Variants in ZNF628 observed in about 807,000 individuals in gnomAD.
The protein encoded by ZNF628 is zinc finger protein Zec.
In ZNF628, 3 loss-of-function variants were observed where a neutral mutation model predicts 2.5. The observed-to-expected ratio is 1.19, with a 90% CI of 0.54 to 3.07. The LOEUF (loss-of-function observed/expected upper bound fraction) is 3.07. ZNF628 is among the 30% of genes most tolerant of loss of function. ZNF628 has a pLI of 0.03. For missense variants in ZNF628, 1,610 were observed against 1,517.1 expected (o/e 1.06, Z -1.02); for synonymous variants, 861 against 717.1 (o/e 1.20, Z -3.21).
At position 55,482,536 on chromosome 19, in the gene ZNF628, C is replaced by A; in HGVS notation, c.1343C>A (p.Ala448Asp). The A allele has an allele frequency of 1.3e-6, 2 of 1,553,754 alleles. No individual in the cohort carries two copies. The highest frequency in any genetic ancestry group is 1.7e-6 in the Non-Finnish European group (2 of 1,157,090). The change falls in exon 3 of 3, where the codon GCT becomes GAT. Residue 448 changes from alanine (A) to aspartate (D), a missense_variant. Physicochemically the swap from Ala to Asp is moderately radical, Grantham distance 126. Coordinates refer to ENST00000598519, the MANE Select transcript of ZNF628 (RefSeq NM_033113.3). ...PVPPPPPSAP[A>D]SAERPYKCAE... ...CCGCCGCCACCCCCGTCCGCCCCCGCTTCTGCGGAGCGGCCCTACAAATGT... is the reference window on the plus strand; with the variant it reads ...CCGCCGCCACCCCCGTCCGCCCCCGATTCTGCGGAGCGGCCCTACAAATGT...
Position 55,481,991 on chromosome 19 carries a change from C to A in ZNF628, c.798C>A (p.Pro266=). The stretch of plus-strand genomic sequence containing the variant: ...GGCACCTCCAGCCCCACAGCCCGCC[C>A]GCGCCTCCCGCCCCGCCGCCCCCGC... ...LQRHLQPHSP[P]APPAPPPPPP... The change falls in exon 3 of 3, where the codon CCC becomes CCA. Residue 266 remains proline, a synonymous_variant. Coordinates refer to ENST00000598519, the MANE Select transcript of ZNF628 (RefSeq NM_033113.3). 5 of 1,462,898 alleles carry A rather than the reference C, an allele frequency of 3.4e-6. No homozygotes were observed. The highest frequency in any genetic ancestry group is 4.5e-6 in the Non-Finnish European group (5 of 1,113,176). The allele number at this position is 1,462,898 out of a possible 1,614,324, so 90.6% of individuals were successfully genotyped here. A position where few individuals can be genotyped will look rare whatever the true frequency, so the allele number is the denominator to read the frequency against.
rs1986738771 is a variant in ZNF628 at position 55,482,249 on chromosome 19, C to T, written c.1056C>T (p.Pro352=). The T allele has an allele frequency of 4.1e-6, 6 of 1,450,220 alleles. No homozygotes were observed. The South Asian group carries it at 6.7e-5, about 16-fold the overall frequency. 89.8% of individuals were successfully genotyped at this position (1,450,220 alleles called of 1,614,324 possible). ...LPQPPPPAAA[P]APGFACLPCG... ...AGCCCCCTCCTCCCGCCGCCGCCCCCGCGCCTGGCTTTGCCTGTCTGCCCT... is the reference window on the plus strand; with the variant it reads ...AGCCCCCTCCTCCCGCCGCCGCCCCTGCGCCTGGCTTTGCCTGTCTGCCCT... Residue 352 remains proline, a synonymous_variant, in exon 3 of 3, where the codon CCC becomes CCT. Transcript: ENST00000598519.
intron 2 of ZNF628, among the ~76,000 whole-genome samples, chr19:55,480,813 GAGC>G (rs1986680247): frequency 6.6e-6 from 1 of 152,246 alleles, no homozygotes; most frequent in Non-Finnish European, 1.5e-5. Context: ...CTTAGAGGGA[GAGC>G]AGCAAGGAGG....
chr19:55,483,530 T>TG lies in ZNF628; in HGVS notation c.2342dup (p.Leu782SerfsTer104). On this transcript the variant is annotated frameshift_variant, in exon 3 of 3. Transcript: ENST00000598519. LOFTEE classifies it low-confidence loss of function (END_TRUNC). ...CGGGAGTGGTCTGGCTGCCAGGCCC[T>TG]GGGGGTCTAGGGGTGCAGGGAGCGG... 1 of 1,570,574 alleles carries TG rather than the reference T, an allele frequency of 6.4e-7. No individual in the cohort carries two copies. The highest frequency in any genetic ancestry group is 8.6e-7 in the Non-Finnish European group (1 of 1,156,550).
chr19:55,483,345 G>C lies in ZNF628; in HGVS notation c.2152G>C (p.Ala718Pro), dbSNP rs754242363. 3.9e-6 allele frequency: 6 copies of C among 1,540,248 alleles called. No homozygotes were observed. Among genetic ancestry groups the C allele is most frequent in the Non-Finnish European group, 4.4e-6 (5 of 1,145,216 alleles). ...NSQTFLLVQT[A>P]QGLQLIPSSV... ...TCAGACGTTCCTCCTGGTGCAAACT[G>C]CCCAGGGCCTCCAGCTGATCCCCAG... The change falls in exon 3 of 3, where the codon GCC becomes CCC. Residue 718 changes from alanine to proline, a missense_variant. Physicochemically the swap from Ala to Pro is conservative, Grantham distance 27. This residue lies in a region of ZNF628 where 712 missense variants were observed against 603.6 expected (regional missense o/e 1.18). Transcript: ENST00000598519.
At position 55,484,222 on chromosome 19, in the gene ZNF628, CG is replaced by C; in HGVS notation, c.3032del (p.Gly1011AlafsTer26). 6.5e-7 allele frequency: 1 copy of C among 1,547,898 alleles called. No homozygotes were observed. On this transcript the variant is annotated frameshift_variant, in exon 3 of 3. Transcript: ENST00000598519. LOFTEE classifies it low-confidence loss of function (END_TRUNC). ...LLAPPPSGPASGPAGLPGAPA... is the reference protein window; with the variant it reads ...LLAPPPSGPAXGPAGLPGAPA... ...GCCCCACCGCCGTCAGGCCCAGCCTCGGGCCCCGCGGGGCTCCCCGGGGCTC... is the reference window on the plus strand; with the variant it reads ...GCCCCACCGCCGTCAGGCCCAGCCTCGGCCCCGCGGGGCTCCCCGGGGCTC...
intron 1 of ZNF628, among the ~76,000 whole-genome samples, chr19:55,478,398 G>A (rs552078469): frequency 1.1e-3 from 164 of 152,316 alleles, no homozygotes; most frequent in East Asian, 1.5e-3. Context: ...TGGAAAGGAA[G>A]GGGGTGGTTC....
Position 55,482,510 on chromosome 19 carries a change from C to G in ZNF628, c.1317C>G (p.Val439=). The change falls in exon 3 of 3, where the codon GTC becomes GTG. Residue 439 remains valine, a synonymous_variant. Coordinates refer to ENST00000598519, the MANE Select transcript of ZNF628 (RefSeq NM_033113.3). The part of the protein sequence containing the change: ...PQEPLAPAAP[V]PPPPPSAPAS... The stretch of plus-strand genomic sequence containing the variant: ...AACCGCTGGCGCCTGCCGCCCCCGT[C>G]CCGCCGCCACCCCCGTCCGCCCCCG... 7 of 1,470,644 alleles carry G rather than the reference C, an allele frequency of 4.8e-6. No individual in the cohort carries two copies. The highest frequency in any genetic ancestry group is 6.3e-6 in the Non-Finnish European group (7 of 1,115,786). The allele number at this position is 1,470,644 out of a possible 1,614,324, so 91.1% of individuals were successfully genotyped here.
rs1213935059 is a variant in ZNF628, at chr19:55,482,188, C to T, written c.995C>T (p.Ala332Val). 2.0e-6 allele frequency: 3 copies of T among 1,490,372 alleles called. No individual in the cohort carries two copies. The highest frequency in any genetic ancestry group is 8.9e-7 in the Non-Finnish European group (1 of 1,125,474). 92.3% of individuals were successfully genotyped at this position (1,490,372 alleles called of 1,614,324 possible). The change falls in exon 3 of 3, where the codon GCG (alanine) becomes GTG (valine). Residue 332 changes from alanine to valine, a missense_variant. Ala to Val is a moderately conservative substitution (Grantham distance 64). This residue lies in a region of ZNF628 where 651 missense variants were observed against 575.6 expected (regional missense o/e 1.13). Transcript: ENST00000598519. ...APQPQEAPAE[A>V]PKADQPPSPL... ...CAGCCCCAGGAGGCACCCGCCGAGG[C>T]GCCCAAGGCCGACCAGCCACCGTCC...
chr19:55,482,317 A>C lies in ZNF628; in HGVS notation c.1124A>C (p.Gln375Pro). 6.8e-7 allele frequency: 1 copy of C among 1,466,686 alleles called. No individual in the cohort carries two copies. Among genetic ancestry groups the C allele is most frequent in the Non-Finnish European group, 9.0e-7 (1 of 1,114,960 alleles). The allele number at this position is 1,466,686 out of a possible 1,614,324, so 90.9% of individuals were successfully genotyped here. A position where few individuals can be genotyped will look rare whatever the true frequency, so the allele number is the denominator to read the frequency against. The change falls in exon 3 of 3, where the codon CAG (glutamine) becomes CCG (proline). Residue 375 changes from glutamine (Q) to proline (P), a missense_variant. By Grantham distance (76) the Gln-to-Pro change is moderately conservative. Around this residue, in one of 5 missense-constraint regions of ZNF628, gnomAD observed 651 missense variants for 575.6 expected, o/e 1.13. Coordinates refer to ENST00000598519, the MANE Select transcript of ZNF628 (RefSeq NM_033113.3). ...ACGGTGGCTGGGCTCTCCCGCCACC[A>C]GCACAGCCACGGGGCTGCCGGCGGG... ...FRTVAGLSRHQHSHGAAGGQA... is the reference protein window; with the variant it reads ...FRTVAGLSRHPHSHGAAGGQA...
rs774610300 is a variant in ZNF628, at chr19:55,481,423, C to G, written c.230C>G (p.Ser77Trp). Reference sequence around the variant, plus strand: ...TGCCCCAAGGCTTTCAAAGGCTCCTCGGCCCTGCTCTACCACCAGCGAGGC... The same window carrying G: ...TGCCCCAAGGCTTTCAAAGGCTCCTGGGCCCTGCTCTACCACCAGCGAGGC... ...PDCPKAFKGS[S>W]ALLYHQRGHT... The change falls in exon 3 of 3, where the codon TCG becomes TGG. Residue 77 changes from serine (S) to tryptophan (W), a missense_variant. Ser to Trp is a radical substitution (Grantham distance 177, BLOSUM62 -3). This residue lies in a region of ZNF628 where 166 missense variants were observed against 241.3 expected (regional missense o/e 0.69). Transcript: ENST00000598519. The G allele has an allele frequency of 1.2e-6, 2 of 1,612,690 alleles. No homozygotes were observed.
Position 55,482,794 on chromosome 19 carries a change from G to T in ZNF628, c.1601G>T (p.Gly534Val). 1 of 1,610,554 alleles carries T rather than the reference G, an allele frequency of 6.2e-7. No individual in the cohort carries two copies. Among genetic ancestry groups the T allele is most frequent in the Non-Finnish European group, 8.5e-7 (1 of 1,178,054 alleles). Residue 534 changes from glycine (G) to valine (V), a missense_variant, in exon 3 of 3, where the codon GGC (glycine) becomes GTC (valine). By Grantham distance (109) the Gly-to-Val change is moderately radical. Coordinates refer to ENST00000598519, the MANE Select transcript of ZNF628 (RefSeq NM_033113.3). ...CAGTACCACCTGCGGCTGCACTCTG[G>T]CGAGCGGCCCTACGCCTGCGGGGAG... is the stretch of plus-strand genomic sequence containing the variant. ...HYQYHLRLHS[G>V]ERPYACGECG...
In ZNF628 at chr19:55,484,090, C is replaced by T. The variant is rs369099680; in HGVS notation, c.2897C>T (p.Ala966Val). ...TLPPGLTEPP[A>V]TGPPGQKLLI... ...CCTCCTGGGCTGACGGAGCCGCCTG[C>T]CACCGGCCCACCCGGACAGAAACTC... The change falls in exon 3 of 3, where the codon GCC becomes GTC. Residue 966 changes from alanine (A) to valine (V), a missense_variant. Transcript: ENST00000598519. 18 of 1,591,968 alleles carry T rather than the reference C, an allele frequency of 1.1e-5. No homozygotes were observed. The South Asian group carries it at 1.5e-4, about 13-fold the overall frequency.
intron 1 of ZNF628, among the ~76,000 whole-genome samples, chr19:55,478,670 G>A (rs1417703263): frequency 6.6e-6 from 1 of 152,240 alleles, no homozygotes; most frequent in African/African-American, 2.4e-5. Context: ...GAAACACGGC[G>A]ATCCGTGGGG....
In ZNF628 at chr19:55,483,939, A is replaced by C. The variant is rs1317312016; in HGVS notation, c.2746A>C (p.Thr916Pro). The stretch of plus-strand genomic sequence containing the variant: ...GGAGGCGGGGGATGGCGAGGCCAGC[A>C]CTGGTGTGGTCCAGGATGTCCTCTT... ...PGEAGDGEAS[T>P]GVVQDVLFET... The change falls in exon 3 of 3, where the codon ACT becomes CCT. Residue 916 changes from threonine to proline, a missense_variant. This residue lies in a region of ZNF628 where 712 missense variants were observed against 603.6 expected (regional missense o/e 1.18). Transcript: ENST00000598519. 1 of 1,574,046 alleles carries C rather than the reference A, an allele frequency of 6.4e-7. No homozygotes were observed. Among genetic ancestry groups the C allele is most frequent in the Non-Finnish European group, 8.6e-7 (1 of 1,159,114 alleles).
rs987047536 is a variant in ZNF628 at position 55,483,843 on chromosome 19, A to G, written c.2650A>G (p.Thr884Ala). Reference sequence around the variant, plus strand: ...CAATTCCAGTGGGGGAGCTGTGGCTACTGAGGCACCCAACCTGCTGGTTGT... The same window carrying G: ...CAATTCCAGTGGGGGAGCTGTGGCTGCTGAGGCACCCAACCTGCTGGTTGT... ...LSNSSGGAVA[T>A]EAPNLLVVQS... The change falls in exon 3 of 3, where the codon ACT becomes GCT. Residue 884 changes from threonine (T) to alanine (A), a missense_variant. Physicochemically the swap from Thr to Ala is moderately conservative, Grantham distance 58 (BLOSUM62 0). Around this residue, in one of 5 missense-constraint regions of ZNF628, gnomAD observed 712 missense variants for 603.6 expected, o/e 1.18. Coordinates refer to ENST00000598519, the MANE Select transcript of ZNF628 (RefSeq NM_033113.3). The G allele has an allele frequency of 4.3e-6, 7 of 1,612,922 alleles. No homozygotes were observed. Among genetic ancestry groups the G allele is most frequent in the Admixed American group, 1.7e-5 (1 of 59,890 alleles).
At chr19:55,477,353 G>GTTTTT (rs60568698) in intron 1 of ZNF628, among the ~76,000 whole-genome samples, 79 of 146,854 alleles carry the variant, frequency 5.4e-4, no homozygotes, top group East Asian at 2.6e-3. Context: ...CAGTAGGTTT[G>GTTTTT]TTTTTTTTTT....
In ZNF628 at chr19:55,482,602, G is replaced by A. The variant is rs1238490386; in HGVS notation, c.1409G>A (p.Arg470His). The A allele has an allele frequency of 6.2e-7, 1 of 1,605,010 alleles. No individual in the cohort carries two copies. Among genetic ancestry groups the A allele is most frequent in the Non-Finnish European group, 8.5e-7 (1 of 1,177,366 alleles). The change falls in exon 3 of 3, where the codon CGC becomes CAC. Residue 470 changes from arginine to histidine, a missense_variant. This residue lies in a region of ZNF628 where 651 missense variants were observed against 575.6 expected (regional missense o/e 1.13). Transcript: ENST00000598519. ...TCCTTCAAGGGCTCCTCCGGGCTGC[G>A]CTACCACCTGCGGGACCACACGGGC... ...GKSFKGSSGL[R>H]YHLRDHTGER...
rs1220607167 is a variant in ZNF628 at position 55,482,513 on chromosome 19, G to T, written c.1320G>T (p.Pro440=). ...CGCTGGCGCCTGCCGCCCCCGTCCC[G>T]CCGCCACCCCCGTCCGCCCCCGCTT... The part of the protein sequence containing the change: ...QEPLAPAAPV[P]PPPPSAPASA... Residue 440 remains proline, a synonymous_variant, in exon 3 of 3, where the codon CCG becomes CCT. Coordinates refer to ENST00000598519, the MANE Select transcript of ZNF628 (RefSeq NM_033113.3). 1.1e-5 allele frequency: 10 copies of T among 891,264 alleles called. No homozygotes were observed. The Admixed American group carries it at 1.4e-4, about 13-fold the overall frequency. The allele number at this position is 891,264 out of a possible 1,614,324, so 55.2% of individuals were successfully genotyped here. A position where few individuals can be genotyped will look rare whatever the true frequency, so the allele number is the denominator to read the frequency against.
Sources: allele counts gnomAD v4.1 joint callset (sites outside exome capture counted in the v4.1 genomes callset), GRCh38; gene constraint gnomAD v4.1.1; regional missense constraint gnomAD v4.1.1; transcripts MANE v1.5; gene names NCBI Gene and HGNC (gene_info 2026-07-23, HGNC 2026-07-21).